Variants in FAM171A1 observed in about 807,000 individuals in gnomAD.
FAM171A1 encodes family with sequence similarity 171 member A1.
A neutral mutation model predicts 74.9 loss-of-function variants in FAM171A1; 23 were observed. That is an observed-to-expected ratio of 0.31 (90% CI 0.22 to 0.44). The LOEUF (loss-of-function observed/expected upper bound fraction) is 0.44. Among genes scored for constraint, FAM171A1 ranks in the 20% least tolerant of loss-of-function variants. The pLI is 1.00. For synonymous variants in FAM171A1, 527 were observed against 505.7 expected (o/e 1.04, Z -0.57); for missense variants, 1,162 against 1,159.2 (o/e 1.00, Z -0.03).
At position 15,213,963 on chromosome 10, in the gene FAM171A1, G is replaced by C; in HGVS notation, c.1625C>G (p.Ser542Trp). The C allele has an allele frequency of 1.9e-6, 3 of 1,614,170 alleles. No individual in the cohort carries two copies. Among genetic ancestry groups the C allele is most frequent in the Non-Finnish European group, 2.5e-6 (3 of 1,180,040 alleles). The part of the protein sequence containing the change: ...LDRRPTECMM[S>W]RSVDHLERPT... Reference sequence around the variant, plus strand: ...TCTCTCGAGGTGATCTACTGATCGCGACATCATACATTCAGTGGGTCTGCG... The same window carrying C: ...TCTCTCGAGGTGATCTACTGATCGCCACATCATACATTCAGTGGGTCTGCG... The change falls in exon 8 of 8, where the codon TCG (serine) becomes TGG (tryptophan). Residue 542 changes from serine to tryptophan, a missense_variant. Coordinates refer to ENST00000378116, the MANE Select transcript of FAM171A1 (RefSeq NM_001010924.2). The surrounding 1 kb of genome is among the most constrained non-coding windows in gnomAD (Gnocchi z 6.8).
chr10:15,282,950 A>G (rs1250897110), intron 2 of FAM171A1, among the ~76,000 whole-genome samples: 1 of 152,204 alleles, frequency 6.6e-6, no homozygotes, highest in African/African-American at 2.4e-5. Context: ...TCTAGCCCAG[A>G]TCTCTCTCTT....
chr10:15,260,215 C>G (rs1170480899), intron 3 of FAM171A1, among the ~76,000 whole-genome samples: 1 of 152,118 alleles, frequency 6.6e-6, no homozygotes, highest in African/African-American at 2.4e-5. Flanking sequence ...CAAAAGCCAC[C>G]TCTTCTATGT....
chr10:15,263,135 C>T (rs1834683484), intron 3 of FAM171A1, among the ~76,000 whole-genome samples: 1 of 152,214 alleles, frequency 6.6e-6, no homozygotes, highest in Non-Finnish European at 1.5e-5. Context: ...GGCCCGATGA[C>T]AGTGCCCATG....
At chr10:15,229,765 CCATCACCATCATCACCATCACCA>C (rs1834171201) in intron 5 of FAM171A1, among the ~76,000 whole-genome samples, 1 of 53,394 alleles carries the variant, frequency 1.9e-5, no homozygotes, top group African/African-American at 6.6e-5. Flanking sequence ...ACCATCACCA[CCATCACCATCATCACCATCACCA>C]CCATCACCAT....
chr10:15,284,400 CA>C (rs1835010331), intron 1 of FAM171A1, among the ~76,000 whole-genome samples: 1 of 147,570 alleles, frequency 6.8e-6, no homozygotes, highest in South Asian at 2.2e-4. Context: ...AAACATTGGG[CA>C]ACCAATGCAA....
chr10:15,358,653 T>C (rs942789653), intron 1 of FAM171A1, among the ~76,000 whole-genome samples: 2 of 152,218 alleles, frequency 1.3e-5, no homozygotes, highest in Admixed American at 6.5e-5. Flanking sequence ...TTGTGGGAGC[T>C]TCTTATCTCT....
chr10:15,295,604 C>T (rs1169789117), intron 1 of FAM171A1, among the ~76,000 whole-genome samples: 1 of 152,168 alleles, frequency 6.6e-6, no homozygotes, highest in Non-Finnish European at 1.5e-5. Context: ...CTCAAATTGG[C>T]CTTTGTTCTG....
chr10:15,333,950 A>G (rs183982956), intron 1 of FAM171A1, among the ~76,000 whole-genome samples: 1 of 152,136 alleles, frequency 6.6e-6, no homozygotes, highest in African/African-American at 2.4e-5. Flanking sequence ...CATGGTCTCA[A>G]TATCAGCCTT....
chr10:15,355,331 T>C (rs1430502714), intron 1 of FAM171A1, among the ~76,000 whole-genome samples: 1 of 152,184 alleles, frequency 6.6e-6, no homozygotes, highest in Non-Finnish European at 1.5e-5. Context: ...CACTTCAGCC[T>C]CCCAAGGTAT....
intron 5 of FAM171A1, among the ~76,000 whole-genome samples, chr10:15,243,186 G>C (rs766777300): frequency 6.6e-6 from 1 of 151,972 alleles, no homozygotes; most frequent in African/African-American, 2.4e-5. Flanking sequence ...TCCCCTTCTC[G>C]CATTTCCAAA....
intron 1 of FAM171A1, among the ~76,000 whole-genome samples, chr10:15,363,886 A>C (rs557205514): frequency 1.3e-5 from 2 of 152,132 alleles, no homozygotes; most frequent in South Asian, 4.1e-4. Flanking sequence ...GTGTTTCCAC[A>C]GCGCTCCTCC....
At chr10:15,215,617 C>T (rs1345438321) in intron 7 of FAM171A1, among the ~76,000 whole-genome samples, 3 of 152,178 alleles carry the variant, frequency 2.0e-5, no homozygotes, top group African/African-American at 7.2e-5. Context: ...CCGCCCACCT[C>T]GGCCTCCTAA....
chr10:15,276,305 C>T (rs565133315), intron 2 of FAM171A1, among the ~76,000 whole-genome samples: 3 of 152,074 alleles, frequency 2.0e-5, no homozygotes. Flanking sequence ...CTCAGACTCC[C>T]GAGTAGCTGA....
intron 1 of FAM171A1, among the ~76,000 whole-genome samples, chr10:15,366,994 C>T (rs1475500808): frequency 6.6e-6 from 1 of 152,016 alleles, no homozygotes; most frequent in Non-Finnish European, 1.5e-5. Flanking sequence ...GTCAGGAGAT[C>T]GAGATCATTC....
At chr10:15,353,003 C>T (rs1484178730) in intron 1 of FAM171A1, among the ~76,000 whole-genome samples, 2 of 152,214 alleles carry the variant, frequency 1.3e-5, no homozygotes, top group African/African-American at 4.8e-5. Flanking sequence ...ATAGCAAAGC[C>T]GCATTTTAAA....
intron 3 of FAM171A1, among the ~76,000 whole-genome samples, chr10:15,270,385 C>T (rs1039747636): frequency 2.0e-5 from 3 of 152,168 alleles, no homozygotes; most frequent in Non-Finnish European, 2.9e-5. Flanking sequence ...CTGGGAAGCT[C>T]GAACTGGGTG....
At chr10:15,306,373 T>G (rs1274736323) in intron 1 of FAM171A1, among the ~76,000 whole-genome samples, 1 of 152,110 alleles carries the variant, frequency 6.6e-6, no homozygotes, top group East Asian at 1.9e-4. Context: ...GCCATTCTTT[T>G]TTTTTTTTTG....
chr10:15,320,997 T>G (rs893712552), intron 1 of FAM171A1, among the ~76,000 whole-genome samples: 2 of 152,218 alleles, frequency 1.3e-5, no homozygotes, highest in Non-Finnish European at 2.9e-5. Context: ...GAATGCTGTG[T>G]TGACCTTGGC....
chr10:15,363,472 T>C (rs577253761), intron 1 of FAM171A1, among the ~76,000 whole-genome samples: 2 of 152,340 alleles, frequency 1.3e-5, no homozygotes, highest in South Asian at 4.1e-4. Context: ...ACAAAGATGC[T>C]ACCTTAACCT....
Sources: gnomAD v4.1 joint callset for allele counts (sites outside exome capture counted in the v4.1 genomes callset) on GRCh38, gnomAD v4.1.1 for gene constraint, Gnocchi (gnomAD v3.1) non-coding constraint, MANE v1.5 for transcripts, NCBI Gene and HGNC (gene_info 2026-07-23, HGNC 2026-07-21) for gene names.